The following CNTN3 variants were observed in gnomAD, a reference collection of about 807,000 sequenced individuals.
The protein encoded by CNTN3 is contactin-3.
A neutral mutation model predicts 119.1 loss-of-function variants in CNTN3; 60 were observed. The ratio of observed to expected loss-of-function variants is 0.50; its 90% CI spans 0.41 to 0.62. CNTN3 has a LOEUF of 0.62. CNTN3 is among the 20% of genes least tolerant of loss of function. The pLI is 0.00. For missense variants in CNTN3, 1,101 were observed against 1,242.4 expected (o/e 0.89, Z 1.71); for synonymous variants, 450 against 438.7 (o/e 1.03, Z -0.32).
intron 3 of CNTN3, among the ~76,000 whole-genome samples, chr3:74,487,685 T>C (rs1254568984): frequency 6.6e-6 from 1 of 152,140 alleles, no homozygotes; most frequent in Non-Finnish European, 1.5e-5. Context: ...CTAAAAATTG[T>C]TGCTTTAATA....
intron 1 of CNTN3, among the ~76,000 whole-genome samples, chr3:74,608,232 T>C (rs1454868043): frequency 4.6e-5 from 7 of 152,188 alleles, no homozygotes; most frequent in African/African-American, 1.7e-4. Context: ...ACATCAGAAG[T>C]TGAGAAACAG....
intron 4 of CNTN3, among the ~76,000 whole-genome samples, chr3:74,456,730 T>C (rs1276836049): frequency 6.6e-6 from 1 of 152,084 alleles, no homozygotes; most frequent in Non-Finnish European, 1.5e-5. Flanking sequence ...TTGTAGCTGA[T>C]TCATATTTTC....
chr3:74,317,612 G>A (rs1357284842), intron 13 of CNTN3, among the ~76,000 whole-genome samples: 1 of 152,080 alleles, frequency 6.6e-6, no homozygotes, highest in African/African-American at 2.4e-5. Flanking sequence ...AGTTTGGCTG[G>A]ATATGAAATT....
chr3:74,353,281 A>C (rs189718552), intron 11 of CNTN3, among the ~76,000 whole-genome samples: 4 of 152,202 alleles, frequency 2.6e-5, no homozygotes, highest in African/African-American at 9.6e-5. Context: ...CTTGGCTCTG[A>C]TAGAATCATC....
chr3:74,493,906 A>G (rs1256832408), intron 3 of CNTN3, among the ~76,000 whole-genome samples: 1 of 152,182 alleles, frequency 6.6e-6, no homozygotes, highest in Non-Finnish European at 1.5e-5. Context: ...TTTATGATAT[A>G]GATTCCCATT....
At chr3:74,596,783 T>A (rs1319659507) in intron 1 of CNTN3, among the ~76,000 whole-genome samples, 3 of 151,976 alleles carry the variant, frequency 2.0e-5, no homozygotes, top group African/African-American at 7.2e-5. Context: ...GAATATAAAA[T>A]AAAAATGTGC....
intron 22 of CNTN3, among the ~76,000 whole-genome samples, chr3:74,264,886 A>G (rs778810909): frequency 3.3e-5 from 5 of 152,158 alleles, no homozygotes; most frequent in Admixed American, 6.6e-5. Context: ...TTTATTTATC[A>G]ATGCAGCATA....
intron 1 of CNTN3, among the ~76,000 whole-genome samples, chr3:74,587,158 G>A (rs912287533): frequency 2.0e-5 from 3 of 152,008 alleles, no homozygotes; most frequent in East Asian, 3.9e-4. Context: ...TAAGAGTAAT[G>A]TAATGTGGGT....
intron 4 of CNTN3, among the ~76,000 whole-genome samples, chr3:74,444,826 T>G (rs2106935100): frequency 6.6e-6 from 1 of 152,276 alleles, no homozygotes; most frequent in South Asian, 2.1e-4. Context: ...TAAAGGACAT[T>G]ATCAACCATA....
chr3:74,288,739 G>T (rs1702168872), intron 19 of CNTN3, among the ~76,000 whole-genome samples: 1 of 152,270 alleles, frequency 6.6e-6, no homozygotes, highest in East Asian at 1.9e-4. Context: ...ATGGACTGTA[G>T]ATACTGCACT....
At chr3:74,358,582 T>C (rs1703996262) in intron 11 of CNTN3, among the ~76,000 whole-genome samples, 1 of 109,880 alleles carries the variant, frequency 9.1e-6, no homozygotes, top group Non-Finnish European at 1.6e-5. Flanking sequence ...AAGTGTATTC[T>C]TTTTTTTTTT....
chr3:74,338,478 G>C (rs769252393), intron 11 of CNTN3, among the ~76,000 whole-genome samples: 1 of 140,766 alleles, frequency 7.1e-6, no homozygotes, highest in Non-Finnish European at 1.5e-5. Flanking sequence ...ACATATGTGC[G>C]TATGTGTACA....
chr3:74,387,609 C>T (rs1468902153), intron 5 of CNTN3, among the ~76,000 whole-genome samples: 2 of 152,174 alleles, frequency 1.3e-5, no homozygotes, highest in African/African-American at 4.8e-5. Flanking sequence ...GTGTCAAAAG[C>T]TAGCAGTGAT....
intron 5 of CNTN3, among the ~76,000 whole-genome samples, chr3:74,420,301 A>C (rs1701596212): frequency 6.6e-6 from 1 of 152,212 alleles, no homozygotes; most frequent in African/African-American, 2.4e-5. Flanking sequence ...AGCTGCCCCA[A>C]GTTGCTGATA....
intron 11 of CNTN3, among the ~76,000 whole-genome samples, chr3:74,345,106 TC>T (rs1417558433): frequency 5.9e-5 from 9 of 152,188 alleles, no homozygotes; most frequent in African/African-American, 2.2e-4. Flanking sequence ...GATGATGGGT[TC>T]CTTACAAATT....
chr3:74,363,540 G>A (rs942591289), intron 10 of CNTN3, among the ~76,000 whole-genome samples: 6 of 152,034 alleles, frequency 3.9e-5, no homozygotes, highest in African/African-American at 1.2e-4. Flanking sequence ...AAATCATGCA[G>A]GGCCTTATCA....
intron 13 of CNTN3, among the ~76,000 whole-genome samples, chr3:74,311,158 G>T (rs1449382585): frequency 6.6e-6 from 1 of 152,110 alleles, no homozygotes; most frequent in African/African-American, 2.4e-5. Flanking sequence ...ACTCCCAATG[G>T]CTCAGAGAGA....
chr3:74,309,091 AT>A (rs1288489609), intron 13 of CNTN3, among the ~76,000 whole-genome samples: 4 of 151,742 alleles, frequency 2.6e-5, no homozygotes, highest in African/African-American at 9.7e-5. Flanking sequence ...CCATTTATTT[AT>A]TTATTATTTA....
Position 74,514,032 on chromosome 3 carries a change from T to C in CNTN3, c.55+7026A>G, listed in dbSNP as rs1483788673. On this transcript the variant is annotated intron_variant, in intron 2 of 22. Transcript: ENST00000263665. ...CTTTTCAAGTGATAAATATCAACAA[T>C]GTAGTATAACCAAAAATCAGTGTTT... Among the ~76,000 whole-genome samples, 3 of 151,852 alleles carry C rather than the reference T, an allele frequency of 2.0e-5. 1 individual carries two copies. Among genetic ancestry groups the C allele is most frequent in the South Asian group, 4.2e-4 (2 of 4,818 alleles).
Sources: gnomAD v4.1 joint callset for allele counts (sites outside exome capture counted in the v4.1 genomes callset) on GRCh38, gnomAD v4.1.1 for gene constraint, MANE v1.5 for transcripts, NCBI Gene and HGNC (gene_info 2026-07-23, HGNC 2026-07-21) for gene names.